The following CNTN4 variants were observed in gnomAD, a reference collection of about 807,000 sequenced individuals.
CNTN4 encodes the protein contactin-4.
Under a neutral mutation model 122.5 loss-of-function variants are expected in CNTN4, and 77 were observed. The observed-to-expected ratio is 0.63, with a 90% confidence interval of 0.52 to 0.76. The LOEUF (loss-of-function observed/expected upper bound fraction) is 0.76. CNTN4 is among the 30% of genes least tolerant of loss of function. The pLI is 0.00. For synonymous variants in CNTN4, 512 were observed against 447.0 expected, an observed-to-expected ratio of 1.15 and a Z score of -1.83; for missense variants, 1,256 against 1,259.1, an observed-to-expected ratio of 1.00 and a Z score of 0.04.
chr3:2,987,957 A>C (rs916416386), intron 13 of CNTN4, among the ~76,000 whole-genome samples: 1 of 152,234 alleles, frequency 6.6e-6, no homozygotes, highest in African/African-American at 2.4e-5. Flanking sequence ...AAAGACTTAA[A>C]TTGATTAATC....
intron 3 of CNTN4, among the ~76,000 whole-genome samples, chr3:2,473,100 G>C (rs2075733030): frequency 6.6e-6 from 1 of 151,812 alleles, no homozygotes; most frequent in African/African-American, 2.4e-5. Flanking sequence ...GCGTGGTGGT[G>C]GACACCTGTA....
chr3:2,996,306 T>G (rs1156683770), intron 14 of CNTN4, among the ~76,000 whole-genome samples: 1 of 152,182 alleles, frequency 6.6e-6, no homozygotes, highest in East Asian at 1.9e-4. Flanking sequence ...TGTAAAATAT[T>G]TCAAATTAAA....
At chr3:2,213,979 C>T (rs2038728443) in intron 2 of CNTN4, among the ~76,000 whole-genome samples, 1 of 152,126 alleles carries the variant, frequency 6.6e-6, no homozygotes, top group Non-Finnish European at 1.5e-5. Flanking sequence ...AGGCTTATTT[C>T]GTACTGTGAT....
intron 4 of CNTN4, among the ~76,000 whole-genome samples, chr3:2,665,758 A>G (rs1306133476): frequency 3.9e-5 from 6 of 152,208 alleles, no homozygotes; most frequent in Admixed American, 3.9e-4. Flanking sequence ...GCAAAATGGA[A>G]TAATTTCACA....
At position 3,056,247 on chromosome 3, in the gene CNTN4, T is replaced by C; in HGVS notation, c.*27T>C. The C allele has an allele frequency of 6.5e-7, 1 of 1,537,002 alleles. No individual in the cohort carries two copies. The highest frequency in any genetic ancestry group is 9.0e-7 in the Non-Finnish European group (1 of 1,109,742). ...AAAAGTTATCTGAAGGACTTGCTGT[T>C]TATAATATAAGCAACATTTAGCTAG... On this transcript the variant is annotated 3_prime_UTR_variant, in exon 25 of 25. Coordinates refer to ENST00000418658, the MANE Select transcript of CNTN4 (RefSeq NM_175607.3).
chr3:2,105,013 G>C (rs1332543695), intron 2 of CNTN4, among the ~76,000 whole-genome samples: 2 of 152,158 alleles, frequency 1.3e-5, no homozygotes, highest in Admixed American at 1.3e-4. Flanking sequence ...GAAGAGCATT[G>C]ACTTTTCCTG....
At chr3:2,738,812 A>G (rs1473144622) in intron 5 of CNTN4, among the ~76,000 whole-genome samples, 1 of 152,130 alleles carries the variant, frequency 6.6e-6, no homozygotes, top group Admixed American at 6.5e-5. Flanking sequence ...TTTTAAAAGC[A>G]GATGGGTTTA....
At chr3:2,139,641 A>G (rs2125326031) in intron 2 of CNTN4, among the ~76,000 whole-genome samples, 1 of 152,336 alleles carries the variant, frequency 6.6e-6, no homozygotes, top group East Asian at 1.9e-4. Flanking sequence ...CTGAAATTCT[A>G]ATGTGAGCCT....
At position 3,055,407 on chromosome 3, in the gene CNTN4, T is replaced by C. The variant is rs116312046; in HGVS notation, c.2981-713T>C. Among the ~76,000 whole-genome samples the C allele has an allele frequency of 2.3e-3, 351 of 152,350 alleles. 2 individuals carry two copies. The highest frequency in any genetic ancestry group is 6.3e-3 in the African/African-American group (260 of 41,584). On this transcript the variant is annotated intron_variant, in intron 24 of 24. Transcript: ENST00000418658. ...CAATTATATTGGTGTAATTATTAGATAACAAGGAAGTGACTGTGAACCAAA... is the reference window on the plus strand; with the variant it reads ...CAATTATATTGGTGTAATTATTAGACAACAAGGAAGTGACTGTGAACCAAA...
intron 4 of CNTN4, among the ~76,000 whole-genome samples, chr3:2,692,285 C>G (rs1436493975): frequency 6.6e-6 from 1 of 152,114 alleles, no homozygotes; most frequent in African/African-American, 2.4e-5. Flanking sequence ...GTTCTCCTTT[C>G]GGAAAAGCGA....
chr3:2,955,350 G>C (rs79667662), intron 13 of CNTN4, among the ~76,000 whole-genome samples: 5 of 152,184 alleles, frequency 3.3e-5, no homozygotes, highest in African/African-American at 1.2e-4. Flanking sequence ...TGTCAGTCAC[G>C]TGGTGTTTAT....
At chr3:2,627,752 C>G (rs535329296) in intron 4 of CNTN4, among the ~76,000 whole-genome samples, 1 of 152,096 alleles carries the variant, frequency 6.6e-6, no homozygotes, top group African/African-American at 2.4e-5. Context: ...CTCGGCCTCC[C>G]AAAGTGCTGG....
chr3:2,962,232 T>C (rs940815124), intron 13 of CNTN4, among the ~76,000 whole-genome samples: 15 of 152,340 alleles, frequency 9.8e-5, no homozygotes, highest in East Asian at 3.9e-4. Flanking sequence ...AATTTTTATG[T>C]AATAAAATGT....
chr3:2,532,780 A>G (rs950336728), intron 3 of CNTN4, among the ~76,000 whole-genome samples: 2 of 152,170 alleles, frequency 1.3e-5, no homozygotes, highest in Non-Finnish European at 2.9e-5. Context: ...TCATACAGTA[A>G]TAAGATTATA....
At chr3:3,049,512 G>A (rs1233415432) in intron 23 of CNTN4, among the ~76,000 whole-genome samples, 2 of 152,210 alleles carry the variant, frequency 1.3e-5, no homozygotes, top group Middle Eastern at 3.2e-3. Flanking sequence ...CCTGGGATCC[G>A]AATACAGCAG....
intron 3 of CNTN4, among the ~76,000 whole-genome samples, chr3:2,340,068 A>G (rs1224413614): frequency 6.6e-6 from 1 of 152,186 alleles, no homozygotes; most frequent in African/African-American, 2.4e-5. Context: ...TCATTGAATT[A>G]GGGCCCATGC....
At chr3:2,689,010 T>A (rs573330079) in intron 4 of CNTN4, among the ~76,000 whole-genome samples, 1 of 152,274 alleles carries the variant, frequency 6.6e-6, no homozygotes, top group East Asian at 1.9e-4. Context: ...TCATCCACAG[T>A]TGAGACTGGA....
At chr3:2,565,313 C>T (rs2079110536) in intron 3 of CNTN4, among the ~76,000 whole-genome samples, 1 of 152,156 alleles carries the variant, frequency 6.6e-6, no homozygotes, top group African/African-American at 2.4e-5. Context: ...CATATTTTCT[C>T]ATCATTCCTA....
At chr3:2,174,217 G>T (rs1435667563) in intron 2 of CNTN4, among the ~76,000 whole-genome samples, 1 of 152,114 alleles carries the variant, frequency 6.6e-6, no homozygotes, top group Non-Finnish European at 1.5e-5. Flanking sequence ...GGCTATAGTT[G>T]TTCATTCAGA....
Sources: gnomAD v4.1 joint callset for allele counts (sites outside exome capture counted in the v4.1 genomes callset) on GRCh38, gnomAD v4.1.1 for gene constraint, MANE v1.5 for transcripts, NCBI Gene and HGNC (gene_info 2026-07-23, HGNC 2026-07-21) for gene names.